The following EEF2K variants were observed in gnomAD, a reference collection of about 807,000 sequenced individuals.
The protein encoded by EEF2K is eukaryotic elongation factor 2 kinase.
In EEF2K, 70 loss-of-function variants were observed where a neutral mutation model predicts 93.8. The ratio of observed to expected loss-of-function variants is 0.75; its 90% CI spans 0.62 to 0.91. The LOEUF is 0.91. EEF2K is among the 40% of genes least tolerant of loss of function. The pLI is 0.00. For synonymous variants in EEF2K, 376 were observed against 380.8 expected (o/e 0.99, Z 0.15); for missense variants, 935 against 972.9 (o/e 0.96, Z 0.52).
In EEF2K at chr16:22,284,247, C is replaced by A. The variant is rs371402786; in HGVS notation, c.*251C>A. The A allele has an allele frequency of 2.2e-6, 1 of 458,736 alleles. No homozygotes were observed. The highest frequency in any genetic ancestry group is 4.0e-6 in the Non-Finnish European group (1 of 252,968). 28.4% of individuals were successfully genotyped at this position (458,736 alleles called of 1,614,324 possible). ...GGGCTTGAAGAAGCAGCCTAATGAA[C>A]CAACATACCGTTTTGTGTGTGGTTT... On this transcript the variant is annotated 3_prime_UTR_variant, in exon 18 of 18. Transcript: ENST00000263026.
intron 15 of EEF2K, 145 bp downstream of exon 15, chr16:22,267,021 G>T: frequency 9.7e-7 from 1 of 1,032,686 alleles, no homozygotes; most frequent in Non-Finnish European, 1.4e-6. Flanking sequence ...CCAGGCACTG[G>T]TTTGGGGGCA....
chr16:22,263,357 C>T lies in EEF2K; in HGVS notation c.1377+170C>T. 3 of 452,056 alleles carry T rather than the reference C, an allele frequency of 6.6e-6. No homozygotes were observed. The South Asian group carries it at 9.6e-5, about 15-fold the overall frequency. The allele number at this position is 452,056 out of a possible 1,614,324, so 28.0% of individuals were successfully genotyped here. A position where few individuals can be genotyped will look rare whatever the true frequency, so the allele number is the denominator to read the frequency against. ...GTCATGGTGGCTCACGCCTGTAATC[C>T]CAGCACTTTGGGAGGCCAAGGCGGG... is the stretch of plus-strand genomic sequence containing the variant. On this transcript the variant is annotated intron_variant, in intron 12 of 17. Coordinates refer to ENST00000263026, the MANE Select transcript of EEF2K (RefSeq NM_013302.5).
intron 1 of EEF2K, among the ~76,000 whole-genome samples, chr16:22,211,057 G>T (rs772321266): frequency 1.8e-4 from 27 of 152,156 alleles, no homozygotes; most frequent in Non-Finnish European, 3.2e-4. Flanking sequence ...TTACCTAGCT[G>T]CAAGGGATGC....
chr16:22,244,806 A>G, intron 3 of EEF2K, 76 bp downstream of exon 3: 1 of 1,475,376 alleles, frequency 6.8e-7, no homozygotes, highest in Non-Finnish European at 9.4e-7. Flanking sequence ...AGTGAGGCCT[A>G]AGTACTCTTG....
intron 1 of EEF2K, among the ~76,000 whole-genome samples, chr16:22,224,249 G>C (rs891091608): frequency 6.6e-6 from 1 of 152,120 alleles, no homozygotes; most frequent in Non-Finnish European, 1.5e-5. Flanking sequence ...TTCATTCTGG[G>C]AAAGTGCATT....
chr16:22,283,722 C>A (rs992515774), intron 17 of EEF2K, among the ~76,000 whole-genome samples, 165 bp from the exon 18 acceptor site: 2 of 152,098 alleles, frequency 1.3e-5, no homozygotes, highest in Non-Finnish European at 2.9e-5. Flanking sequence ...CACAGGCCCA[C>A]CTTTAGAGCC....
At chr16:22,237,127 T>C (rs978329595) in intron 2 of EEF2K, among the ~76,000 whole-genome samples, 2 of 151,256 alleles carry the variant, frequency 1.3e-5, no homozygotes, top group African/African-American at 4.9e-5. Flanking sequence ...ATATTTTTTG[T>C]AGAGAGGGGG....
chr16:22,251,130 C>G, intron 5 of EEF2K, 21 bp from the exon 6 acceptor site: 1 of 1,607,566 alleles, frequency 6.2e-7, no homozygotes, highest in South Asian at 1.1e-5. Context: ...CAGGTAGGCC[C>G]CCTGTTGCCT....
In EEF2K at chr16:22,285,624, G is replaced by C. The variant is rs2047746685; in HGVS notation, c.*1628G>C. ...GCTTGAGCTCAGGACTTCAAGACCA[G>C]CCTGGGTAAACATGGCGAGACCCTG... On this transcript the variant is annotated 3_prime_UTR_variant, in exon 18 of 18. Transcript: ENST00000263026. The C allele has an allele frequency of 6.6e-6, 1 of 152,342 alleles. No homozygotes were observed. The highest frequency in any genetic ancestry group is 2.4e-5 in the African/African-American group (1 of 41,446). 9.4% of individuals were successfully genotyped at this position (152,342 alleles called of 1,614,324 possible). A position where few individuals can be genotyped will look rare whatever the true frequency, so the allele number is the denominator to read the frequency against.
rs1451403063 is a variant in EEF2K, at chr16:22,285,109, GC to G, written c.*1114del. 6.6e-6 allele frequency: 1 copy of G among 152,534 alleles called. No individual in the cohort carries two copies. The highest frequency in any genetic ancestry group is 1.5e-5 in the Non-Finnish European group (1 of 68,036). 9.4% of individuals were successfully genotyped at this position (152,534 alleles called of 1,614,324 possible). ...AGTGTGGAAGAGGGTGCACCTCAAA[GC>G]TTTTACACGTAAGGACAGCGGCTTG... On this transcript the variant is annotated 3_prime_UTR_variant, in exon 18 of 18. Transcript: ENST00000263026.
At chr16:22,208,716 G>T (rs74913405) in intron 1 of EEF2K, among the ~76,000 whole-genome samples, 1 of 150,730 alleles carries the variant, frequency 6.6e-6, no homozygotes, top group Non-Finnish European at 1.5e-5. Context: ...CCTGGCTGAC[G>T]GGGTGAAACC....
chr16:22,244,907 T>C (rs961570014), intron 3 of EEF2K, among the ~76,000 whole-genome samples, 177 bp downstream of exon 3: 4 of 152,092 alleles, frequency 2.6e-5, no homozygotes, highest in African/African-American at 7.2e-5. Flanking sequence ...ACTGAATCCT[T>C]CTCGTGGTTC....
At chr16:22,221,962 C>A (rs969277418) in intron 1 of EEF2K, among the ~76,000 whole-genome samples, 1 of 151,906 alleles carries the variant, frequency 6.6e-6, no homozygotes, top group African/African-American at 2.4e-5. Context: ...CCCAGCTACT[C>A]GGGAGGCTGA....
rs756337789 is a variant in EEF2K at position 22,266,835 on chromosome 16, T to G, written c.1723T>G (p.Ser575Ala). ...EAIVGLGLMY[S>A]QLPHHILADV... is the part of the protein sequence containing the mutation. Reference sequence around the variant, plus strand: ...CATCGTGGGCCTGGGACTCATGTACTCGCAGTTGCCTCATCACATCCTAGC... The same window carrying G: ...CATCGTGGGCCTGGGACTCATGTACGCGCAGTTGCCTCATCACATCCTAGC... Residue 575 changes from serine (S) to alanine (A), a missense_variant, in exon 15 of 18, where the codon TCG becomes GCG. Ser to Ala is a moderately conservative substitution (Grantham distance 99). Coordinates refer to ENST00000263026, the MANE Select transcript of EEF2K (RefSeq NM_013302.5). 21 of 1,613,882 alleles carry G rather than the reference T, an allele frequency of 1.3e-5. No individual in the cohort carries two copies. The South Asian group carries it at 2.1e-4, about 16-fold the overall frequency.
At chr16:22,255,437 A>G (rs995837960) in intron 6 of EEF2K, among the ~76,000 whole-genome samples, 1 of 152,076 alleles carries the variant, frequency 6.6e-6, no homozygotes, top group Non-Finnish European at 1.5e-5. Context: ...CACATAATCA[A>G]TTCTGGCTCC....
intron 12 of EEF2K, 33 bp from the exon 13 acceptor site, chr16:22,264,785 C>T (rs2047500681): frequency 6.2e-7 from 1 of 1,612,586 alleles, no homozygotes; most frequent in African/African-American, 1.3e-5. Context: ...AAGCTTGTCG[C>T]TTTGGATCAG....
intron 15 of EEF2K, among the ~76,000 whole-genome samples, chr16:22,271,298 C>G (rs2047579437): frequency 6.6e-6 from 1 of 151,880 alleles, no homozygotes; most frequent in Non-Finnish European, 1.5e-5. Flanking sequence ...GCTCATTCAG[C>G]CAGTGGTGTG....
At chr16:22,244,810 A>G (rs1218032611) in intron 3 of EEF2K, 80 bp downstream of exon 3, 4 of 1,425,762 alleles carry the variant, frequency 2.8e-6, no homozygotes, top group Non-Finnish European at 2.9e-6. Flanking sequence ...AGGCCTAAGT[A>G]CTCTTGGGGG....
chr16:22,280,966 G>C (rs1161186520), intron 17 of EEF2K, among the ~76,000 whole-genome samples: 3 of 150,984 alleles, frequency 2.0e-5, no homozygotes, highest in Non-Finnish European at 4.4e-5. Flanking sequence ...CTGGCCCAGA[G>C]TTTCACTCTT....
Sources: allele counts gnomAD v4.1 joint callset (sites outside exome capture counted in the v4.1 genomes callset), GRCh38; gene constraint gnomAD v4.1.1; transcripts MANE v1.5; gene names NCBI Gene and HGNC (gene_info 2026-07-23, HGNC 2026-07-21).